RCAN1: variants seen among roughly 807,000 people sequenced by gnomAD.
RCAN1 encodes the protein regulator of calcineurin 1, also known as calcipressin-1.
Under a neutral mutation model 22.9 loss-of-function variants are expected in RCAN1, and 11 were observed. The ratio of observed to expected loss-of-function variants is 0.48; its 90% CI spans 0.30 to 0.79. RCAN1 has a LOEUF of 0.79. Ranked by LOEUF, RCAN1 falls within the 30% of genes least tolerant of loss-of-function variation. The pLI is 0.06. For missense variants in RCAN1, 291 were observed against 337.8 expected (o/e 0.86, Z 1.09); for synonymous variants, 136 against 142.3 (o/e 0.96, Z 0.32).
intron 1 of RCAN1, among the ~76,000 whole-genome samples, chr21:34,553,226 C>G (rs1421327309): frequency 1.3e-5 from 2 of 152,222 alleles, no homozygotes; most frequent in East Asian, 1.9e-4. Flanking sequence ...TGATCCCTCA[C>G]CAGCGGAGCT....
intron 1 of RCAN1, among the ~76,000 whole-genome samples, chr21:34,544,667 C>T (rs1371065563): frequency 6.6e-6 from 1 of 152,242 alleles, no homozygotes; most frequent in Non-Finnish European, 1.5e-5. Context: ...CAGGGTCTCA[C>T]TGTGTCACCC....
At chr21:34,605,688 G>A (rs1988500741) in intron 1 of RCAN1, among the ~76,000 whole-genome samples, 1 of 152,098 alleles carries the variant, frequency 6.6e-6, no homozygotes, top group African/African-American at 2.4e-5. Flanking sequence ...TTGGGAGGCC[G>A]AGGCGGGTGG....
intron 1 of RCAN1, among the ~76,000 whole-genome samples, chr21:34,546,137 T>G (rs966863920): frequency 6.6e-6 from 1 of 152,188 alleles, no homozygotes; most frequent in Non-Finnish European, 1.5e-5. Context: ...TAAAAGAAAG[T>G]GATTTACTGA....
chr21:34,521,315 T>A, intron 3 of RCAN1, 184 bp downstream of exon 3: 1 of 1,482,814 alleles, frequency 6.7e-7, no homozygotes, highest in Non-Finnish European at 8.9e-7. Context: ...ACACTGCAGG[T>A]GGTGCCAAGA....
At chr21:34,521,164 T>A (rs1373044210) in intron 3 of RCAN1, 1 of 1,359,810 alleles carries the variant, frequency 7.4e-7, no homozygotes, top group Non-Finnish European at 9.4e-7. Flanking sequence ...CTCATCCCTA[T>A]CCGGAGCGAC....
intron 1 of RCAN1, among the ~76,000 whole-genome samples, chr21:34,600,028 C>T (rs374240727): frequency 6.6e-6 from 1 of 152,096 alleles, no homozygotes; most frequent in Non-Finnish European, 1.5e-5. Flanking sequence ...ACCTAAAGCA[C>T]GAGAACTGGC....
intron 1 of RCAN1, among the ~76,000 whole-genome samples, chr21:34,547,536 T>C (rs879521408): frequency 6.6e-6 from 1 of 152,238 alleles, no homozygotes; most frequent in Non-Finnish European, 1.5e-5. Context: ...GCAATGGTGC[T>C]ATGGTTTGAA....
intron 1 of RCAN1, chr21:34,559,972 G>C (rs1318955724): frequency 6.6e-6 from 1 of 152,182 alleles, no homozygotes; most frequent in Non-Finnish European, 1.5e-5. Flanking sequence ...TTTCCACGGT[G>C]AGCCAGTGAA....
At chr21:34,520,290 C>A (rs1984404893) in intron 3 of RCAN1, among the ~76,000 whole-genome samples, 2 of 152,204 alleles carry the variant, frequency 1.3e-5, no homozygotes, top group African/African-American at 4.8e-5. Flanking sequence ...ACTGTGGACA[C>A]CTCTTTGCAA....
At position 34,521,014 on chromosome 21, in the gene RCAN1, C is replaced by A. The variant is rs1351598253; in HGVS notation, c.586+485G>T. The A allele has an allele frequency of 6.5e-6, 7 of 1,078,284 alleles. No individual in the cohort carries two copies. In the Admixed American group the frequency reaches 3.5e-4, roughly 54 times the overall value. The allele number at this position is 1,078,284 out of a possible 1,614,324, so 66.8% of individuals were successfully genotyped here. Reference sequence around the variant, plus strand: ...GTAGGGCAGCCCGACCGCGGCCCTTCCCTCACCATGGCCTATGGTTCTCCT... The same window carrying A: ...GTAGGGCAGCCCGACCGCGGCCCTTACCTCACCATGGCCTATGGTTCTCCT... On this transcript the variant is annotated intron_variant, in intron 3 of 3. Coordinates refer to ENST00000313806, the MANE Select transcript of RCAN1 (RefSeq NM_004414.7).
intron 1 of RCAN1, among the ~76,000 whole-genome samples, chr21:34,579,432 T>C (rs1289232113): frequency 1.3e-5 from 2 of 151,930 alleles, no homozygotes; most frequent in Non-Finnish European, 2.9e-5. Context: ...AGATAAAGGG[T>C]CCAGATCTTT....
At chr21:34,560,474 A>T (rs985019356) in intron 1 of RCAN1, among the ~76,000 whole-genome samples, 2 of 152,244 alleles carry the variant, frequency 1.3e-5, no homozygotes, top group Non-Finnish European at 2.9e-5. Flanking sequence ...GAAAGAACAG[A>T]GGCAAACAAT....
At chr21:34,564,755 G>A (rs1986941312) in intron 1 of RCAN1, among the ~76,000 whole-genome samples, 1 of 151,932 alleles carries the variant, frequency 6.6e-6, no homozygotes. Context: ...TAAAATCCTG[G>A]GCTTGACCTC....
intron 2 of RCAN1, 115 bp from the exon 3 acceptor site, chr21:34,521,773 AGG>A: frequency 2.4e-6 from 2 of 833,304 alleles, no homozygotes; most frequent in Non-Finnish European, 1.9e-6. Flanking sequence ...GCGTCAGGAC[AGG>A]TGTGATTCCA....
At chr21:34,526,864 C>A in intron 1 of RCAN1, 2 of 1,468,016 alleles carry the variant, frequency 1.4e-6, no homozygotes, top group Non-Finnish European at 1.8e-6. Flanking sequence ...GCAGTAAGGG[C>A]CAGCCCCCAC....
chr21:34,600,498 G>T (rs908595102), intron 1 of RCAN1, among the ~76,000 whole-genome samples: 1 of 152,142 alleles, frequency 6.6e-6, no homozygotes, highest in Non-Finnish European at 1.5e-5. Flanking sequence ...GAAAGGAGGG[G>T]AAGGGGAAGA....
intron 1 of RCAN1, among the ~76,000 whole-genome samples, chr21:34,556,065 A>AAATAAATAAATAAAT (rs1986553458): frequency 9.2e-6 from 1 of 108,124 alleles, no homozygotes; most frequent in Admixed American, 1.0e-4. Flanking sequence ...TCCATTTCAA[A>AAATAAATAAATAAAT]AAATAAATAA....
At chr21:34,599,824 T>C (rs1334767824) in intron 1 of RCAN1, among the ~76,000 whole-genome samples, 3 of 152,202 alleles carry the variant, frequency 2.0e-5, no homozygotes, top group Non-Finnish European at 4.4e-5. Flanking sequence ...GTGCCTACTA[T>C]CAGCAAACGG....
At chr21:34,555,234 T>C (rs1401373064) in intron 1 of RCAN1, among the ~76,000 whole-genome samples, 4 of 152,200 alleles carry the variant, frequency 2.6e-5, no homozygotes, top group African/African-American at 9.7e-5. Context: ...GTGCCTCTTA[T>C]TTGGATTCTA....
Sources: allele counts gnomAD v4.1 joint callset (sites outside exome capture counted in the v4.1 genomes callset), GRCh38; gene constraint gnomAD v4.1.1; transcripts MANE v1.5; gene names NCBI Gene and HGNC (gene_info 2026-07-23, HGNC 2026-07-21).